The following PTPRG variants were observed in gnomAD, a reference collection of about 807,000 sequenced individuals.
PTPRG encodes the protein receptor-type tyrosine-protein phosphatase gamma.
PTPRG carries 102 observed loss-of-function variants against 165.3 expected under a neutral mutation model. That is an observed-to-expected ratio of 0.62 (90% CI 0.53 to 0.73). The LOEUF is 0.73. Among genes scored for constraint, PTPRG ranks in the 30% least tolerant of loss-of-function variants. The probability of loss-of-function intolerance (pLI) is 0.00; values close to 1 mark genes in which losing one functional copy is unlikely to be tolerated. For synonymous variants in PTPRG, 675 were observed against 669.5 expected (o/e 1.01, Z -0.13); for missense variants, 1,866 against 1,861.4 (o/e 1.00, Z -0.05).
At chr3:62,038,333 T>C (rs1700015739) in intron 4 of PTPRG, among the ~76,000 whole-genome samples, 1 of 152,214 alleles carries the variant, frequency 6.6e-6, no homozygotes, top group Admixed American at 6.5e-5. Context: ...GGTGTGGTCT[T>C]TGCAGAGCAT....
At chr3:61,686,595 G>T (rs140767353) in intron 1 of PTPRG, among the ~76,000 whole-genome samples, 3 of 152,324 alleles carry the variant, frequency 2.0e-5, no homozygotes, top group African/African-American at 7.2e-5. Context: ...TCATGTCAAG[G>T]TTATTCCTTG....
chr3:61,664,965 C>T (rs1702767942), intron 1 of PTPRG, among the ~76,000 whole-genome samples: 1 of 152,312 alleles, frequency 6.6e-6, no homozygotes, highest in African/African-American at 2.4e-5. Context: ...CAGAATTTTT[C>T]TTGGAACCAC....
Position 62,292,713 on chromosome 3 carries a change from G to A in PTPRG, c.4191+157G>A, listed in dbSNP as rs61729783. 1,032 of 728,706 alleles carry A rather than the reference G, an allele frequency of 1.4e-3. 10 individuals carry two copies. In the African/African-American group the frequency reaches 0.017, roughly 12 times the overall value. 45.1% of individuals were successfully genotyped at this position (728,706 alleles called of 1,614,324 possible). A position where few individuals can be genotyped will look rare whatever the true frequency, so the allele number is the denominator to read the frequency against. ...TTGCTTGTCACAACTGCAGATGGAT[G>A]GCATCTAGAGGATACAAGCCAGAGA... On this transcript the variant is annotated intron_variant, in intron 29 of 29. Coordinates refer to ENST00000474889, the MANE Select transcript of PTPRG (RefSeq NM_002841.4).
At chr3:61,797,093 T>C (rs1430115102) in intron 2 of PTPRG, among the ~76,000 whole-genome samples, 4 of 152,194 alleles carry the variant, frequency 2.6e-5, no homozygotes, top group Admixed American at 2.6e-4. Context: ...GGCACAGAAA[T>C]GTTCGTATTC....
chr3:61,958,948 G>T (rs2040092686), intron 2 of PTPRG, among the ~76,000 whole-genome samples: 1 of 152,192 alleles, frequency 6.6e-6, no homozygotes, highest in African/African-American at 2.4e-5. Context: ...CATCTAGCCA[G>T]GACTCAGTGG....
intron 1 of PTPRG, among the ~76,000 whole-genome samples, chr3:61,564,727 C>T (rs1263277636): frequency 1.3e-5 from 2 of 152,198 alleles, no homozygotes; most frequent in African/African-American, 4.8e-5. Context: ...TCAGGGGGCG[C>T]CCCCGAGCCA....
intron 1 of PTPRG, among the ~76,000 whole-genome samples, chr3:61,735,881 C>T (rs2032700575): frequency 6.6e-6 from 1 of 151,216 alleles, no homozygotes; most frequent in South Asian, 2.1e-4. Context: ...GAGGTTGAGG[C>T]CATGCTCACA....
intron 4 of PTPRG, among the ~76,000 whole-genome samples, chr3:62,053,806 C>A (rs940498845): frequency 4.6e-5 from 7 of 152,164 alleles, no homozygotes; most frequent in African/African-American, 1.7e-4. Context: ...CCCATGAGAG[C>A]ATTTAGAGTT....
intron 2 of PTPRG, among the ~76,000 whole-genome samples, chr3:61,876,346 A>G (rs947626107): frequency 3.3e-5 from 5 of 152,216 alleles, no homozygotes; most frequent in Non-Finnish European, 5.9e-5. Flanking sequence ...CTGGAATTGA[A>G]AAAGGACATT....
chr3:61,894,207 C>T (rs955925360), intron 2 of PTPRG, among the ~76,000 whole-genome samples: 3 of 140,616 alleles, frequency 2.1e-5, no homozygotes, highest in Non-Finnish European at 4.5e-5. Context: ...GGAGCTGAGG[C>T]GAAAGAATTG....
chr3:61,652,417 C>A (rs1471475398), intron 1 of PTPRG, among the ~76,000 whole-genome samples: 1 of 152,106 alleles, frequency 6.6e-6, no homozygotes, highest in Non-Finnish European at 1.5e-5. Context: ...AAGTTTACCT[C>A]TGCCTGACTC....
intron 2 of PTPRG, among the ~76,000 whole-genome samples, chr3:61,909,064 C>T (rs1387457528): frequency 6.6e-6 from 1 of 152,120 alleles, no homozygotes; most frequent in Non-Finnish European, 1.5e-5. Flanking sequence ...CTTCTGATAA[C>T]TGGGTACTTT....
intron 2 of PTPRG, among the ~76,000 whole-genome samples, chr3:61,808,708 G>C (rs916676807): frequency 2.0e-5 from 3 of 151,976 alleles, no homozygotes; most frequent in African/African-American, 7.3e-5. Context: ...AGATAATACT[G>C]AATTAAACTC....
chr3:61,606,287 C>T (rs1015338194), intron 1 of PTPRG, among the ~76,000 whole-genome samples: 10 of 152,186 alleles, frequency 6.6e-5, no homozygotes, highest in African/African-American at 1.4e-4. Context: ...TTGCCTGCGA[C>T]GTGGCTGTCT....
chr3:61,694,076 A>T (rs1054690177), intron 1 of PTPRG, among the ~76,000 whole-genome samples: 3 of 151,594 alleles, frequency 2.0e-5, no homozygotes, highest in African/African-American at 7.3e-5. Flanking sequence ...GGTGATGTTA[A>T]TGAGTTGAGT....
At chr3:61,816,432 T>C (rs2035764812) in intron 2 of PTPRG, among the ~76,000 whole-genome samples, 1 of 152,088 alleles carries the variant, frequency 6.6e-6, no homozygotes. Flanking sequence ...CTTGGGAGGC[T>C]GAGGCAGGGG....
intron 2 of PTPRG, chr3:61,770,933 T>C (rs1187201705): frequency 6.6e-6 from 1 of 152,190 alleles, no homozygotes; most frequent in African/African-American, 2.4e-5. Context: ...TTCTTTCTGG[T>C]GGGATTTTTC....
At chr3:61,996,466 T>C (rs1209111) in intron 3 of PTPRG, among the ~76,000 whole-genome samples, 30,075 of 152,118 alleles carry the variant, frequency 0.2, 3,262 homozygotes, top group Non-Finnish European at 0.25. Context: ...CACTGATGAA[T>C]AGGTCATTTC....
At chr3:62,057,495 C>T (rs765960447) in intron 4 of PTPRG, among the ~76,000 whole-genome samples, 16 of 152,184 alleles carry the variant, frequency 1.1e-4, no homozygotes, top group East Asian at 3.8e-4. Context: ...TTACCATGTC[C>T]GCACATCAGT....
Sources: gnomAD v4.1 joint callset for allele counts (sites outside exome capture counted in the v4.1 genomes callset) on GRCh38, gnomAD v4.1.1 for gene constraint, MANE v1.5 for transcripts, NCBI Gene and HGNC (gene_info 2026-07-23, HGNC 2026-07-21) for gene names.